Variants in BRD3 observed in about 807,000 individuals in gnomAD.
BRD3 encodes the protein bromodomain containing 3, also known as bromodomain-containing protein 3.
In BRD3, 17 loss-of-function variants were observed where a neutral mutation model predicts 66.8. The ratio of observed to expected loss-of-function variants is 0.25; its 90% CI spans 0.17 to 0.38. The LOEUF (loss-of-function observed/expected upper bound fraction) is 0.38. BRD3 is among the 10% of genes least tolerant of loss of function. The probability of loss-of-function intolerance (pLI) is 1.00; values close to 1 mark genes in which losing one functional copy is unlikely to be tolerated. For missense variants in BRD3, 713 were observed against 956.1 expected, an observed-to-expected ratio of 0.75 and a Z score of 3.35; for synonymous variants, 421 against 393.2, an observed-to-expected ratio of 1.07 and a Z score of -0.84.
Position 134,035,951 on chromosome 9 carries a change from G to C in BRD3, c.1936+81C>G. 8 of 1,514,438 alleles carry C rather than the reference G, an allele frequency of 5.3e-6. No homozygotes were observed. The Admixed American group carries it at 1.8e-4, about 33-fold the overall frequency. The allele number at this position is 1,514,438 out of a possible 1,614,324, so 93.8% of individuals were successfully genotyped here. On this transcript the variant is annotated intron_variant, in intron 10 of 11. Coordinates refer to ENST00000303407, the MANE Select transcript of BRD3 (RefSeq NM_007371.4). ...GCCCTGTGCCCAAGCTCGCCGCACA[G>C]GGTCCGTGAGGAGTGACAGGAGGGG...
intron 1 of BRD3, among the ~76,000 whole-genome samples, chr9:134,065,437 A>G (rs901643004): frequency 2.6e-4 from 4 of 15,204 alleles, no homozygotes; most frequent in African/African-American, 2.3e-3. Context: ...AGGAGAAGAG[A>G]AAAAAAAAAA....
intron 1 of BRD3, among the ~76,000 whole-genome samples, chr9:134,063,947 C>T (rs538756837): frequency 2.2e-4 from 33 of 152,310 alleles, no homozygotes; most frequent in Non-Finnish European, 3.8e-4. Flanking sequence ...GAACTCAGTA[C>T]CTTGGGGGCC....
rs71503378 is a variant in BRD3, at chr9:134,062,095, CG to C, written c.-114+5849del. ...CCTTCTATGGAGCCAGGGGAGAAGTCGGGGGTTGGGGGCCCCCTGTAGCCCT... is the reference window on the plus strand; with the variant it reads ...CCTTCTATGGAGCCAGGGGAGAAGTCGGGGTTGGGGGCCCCCTGTAGCCCT... On this transcript the variant is annotated intron_variant, in intron 1 of 11. Coordinates refer to ENST00000303407, the MANE Select transcript of BRD3 (RefSeq NM_007371.4). Among the ~76,000 whole-genome samples the C allele has an allele frequency of 5.9e-5, 9 of 152,282 alleles. No individual in the cohort carries two copies. The East Asian group carries it at 1.7e-3, about 29-fold the overall frequency.
intron 5 of BRD3, among the ~76,000 whole-genome samples, chr9:134,049,069 C>T (rs1435058169): frequency 1.3e-5 from 2 of 152,130 alleles, no homozygotes; most frequent in African/African-American, 2.4e-5. Context: ...GACTCCATCC[C>T]AGCAGCAGTG....
intron 1 of BRD3, among the ~76,000 whole-genome samples, chr9:134,059,731 C>A (rs964205100): frequency 6.6e-6 from 1 of 152,176 alleles, no homozygotes; most frequent in African/African-American, 2.4e-5. Context: ...CTCATTTCAC[C>A]ACTCAGCCCT....
At chr9:134,047,637 G>T (rs576796971) in intron 6 of BRD3, among the ~76,000 whole-genome samples, 2 of 152,326 alleles carry the variant, frequency 1.3e-5, no homozygotes, top group East Asian at 3.9e-4. Context: ...GGTGGGGCTT[G>T]GAGGCACTTA....
At position 134,048,379 on chromosome 9, in the gene BRD3, G is replaced by A; in HGVS notation, c.790C>T (p.Pro264Ser). 3.1e-6 allele frequency: 5 copies of A among 1,598,648 alleles called. No individual in the cohort carries two copies. The highest frequency in any genetic ancestry group is 4.2e-6 in the Non-Finnish European group (5 of 1,179,866). The change falls in exon 6 of 12, where the codon CCC (proline) becomes TCC (serine). Residue 264 changes from proline to serine, a missense_variant. Pro to Ser is a moderately conservative substitution (Grantham distance 74). Around this residue, in one of 5 missense-constraint regions of BRD3, gnomAD observed 418 missense variants for 609.3 expected, o/e 0.69. Transcript: ENST00000303407. ...TGCTTGGGGTCTGACAACGGCGGGG[G>A]CGACTCACTCCGGCTGGCAGTGATG... ...SAITASRSES[P>S]PPLSDPKQAK...
At chr9:134,052,563 A>C in intron 2 of BRD3, 120 bp from the exon 3 acceptor site, 1 of 1,149,490 alleles carries the variant, frequency 8.7e-7, no homozygotes, top group Admixed American at 2.2e-5. Context: ...GCCCAGAGGC[A>C]CTTTCTGGTC....
chr9:134,038,318 C>A (rs1172854300), intron 9 of BRD3, among the ~76,000 whole-genome samples: 1 of 152,108 alleles, frequency 6.6e-6, no homozygotes, highest in Non-Finnish European at 1.5e-5. Context: ...CCAAGCCCGG[C>A]CAATTTTTTC....
rs2132392858 is a variant in BRD3, at chr9:134,040,092, G to A, written c.1585C>T (p.Gln529Ter). The A allele has an allele frequency of 6.3e-7, 1 of 1,586,562 alleles. No homozygotes were observed. Among genetic ancestry groups the A allele is most frequent in the South Asian group, 1.1e-5 (1 of 87,412 alleles). Reference sequence around the variant, plus strand: ...GCAGGAGCCTTCTTCTGCTGAGCCTGCTTGGCAGGCGGAGCCACCTTGGCC... The same window carrying A: ...GCAGGAGCCTTCTTCTGCTGAGCCTACTTGGCAGGCGGAGCCACCTTGGCC... Reference protein sequence around the residue: ...KKAKVAPPAKQAQQKKAPAKK... With the variant: ...KKAKVAPPAK Residue 529 changes from glutamine to a stop codon, truncating the protein, a stop_gained, in exon 9 of 12, where the codon CAG becomes TAG. Coordinates refer to ENST00000303407, the MANE Select transcript of BRD3 (RefSeq NM_007371.4). LOFTEE classifies it high-confidence loss of function.
At chr9:134,053,659 G>A (rs1037009842) in intron 1 of BRD3, 69 bp from the exon 2 acceptor site, 15 of 1,386,498 alleles carry the variant, frequency 1.1e-5, no homozygotes, top group African/African-American at 7.3e-5. Flanking sequence ...TCCCAGCCTC[G>A]GCGGGCTCCT....
At position 134,061,151 on chromosome 9, in the gene BRD3, G is replaced by T. The variant is rs192424947; in HGVS notation, c.-114+6794C>A. Among the ~76,000 whole-genome samples the T allele has an allele frequency of 1.1e-4, 16 of 152,326 alleles. No homozygotes were observed. In the East Asian group the frequency reaches 3.1e-3, roughly 29 times the overall value. On this transcript the variant is annotated intron_variant, in intron 1 of 11. Transcript: ENST00000303407. ...CCAGAGGGGCAGGAGCAGGCATGTC[G>T]CCTGGGCAGCACAGCAGCCTAGCCT...
intron 1 of BRD3, among the ~76,000 whole-genome samples, chr9:134,061,676 G>A (rs1202507186): frequency 6.6e-6 from 1 of 152,206 alleles, no homozygotes; most frequent in East Asian, 1.9e-4. Flanking sequence ...TGCGTCAGTG[G>A]GGGTCAGATG....
In BRD3 at chr9:134,032,879, T is replaced by C. The variant is rs1222453808; in HGVS notation, c.*711A>G. On this transcript the variant is annotated 3_prime_UTR_variant, in exon 12 of 12. Transcript: ENST00000303407. ...TTAAATCTTTTCTTCTTTTTTTTTTTTTAAAGTTGAGGTAAAAGCTTCAGT... is the reference window on the plus strand; with the variant it reads ...TTAAATCTTTTCTTCTTTTTTTTTTCTTAAAGTTGAGGTAAAAGCTTCAGT... The C allele has an allele frequency of 3.1e-6, 1 of 326,250 alleles. No individual in the cohort carries two copies. Among genetic ancestry groups the C allele is most frequent in the African/African-American group, 2.1e-5 (1 of 46,988 alleles). 20.2% of individuals were successfully genotyped at this position (326,250 alleles called of 1,614,324 possible).
rs575221631 is a variant in BRD3 at position 134,059,238 on chromosome 9, G to A, written c.-113-5648C>T. ...GCGGAAGCTGCTCAGAGGGAAGAGG[G>A]TGCACCTCCCTTCTCCCCGGGCCCC... On this transcript the variant is annotated intron_variant, in intron 1 of 11. Transcript: ENST00000303407. Among the ~76,000 whole-genome samples the A allele has an allele frequency of 1.7e-4, 26 of 152,294 alleles. 2 individuals carry two copies. In the South Asian group the frequency reaches 5.4e-3, roughly 32 times the overall value.
chr9:134,047,708 G>A (rs1458883444), intron 6 of BRD3, among the ~76,000 whole-genome samples: 2 of 152,212 alleles, frequency 1.3e-5, no homozygotes, highest in Non-Finnish European at 2.9e-5. Context: ...TGAGGCGCCT[G>A]TATCCGGGGC....
At chr9:134,036,787 T>A (rs1489568917) in intron 9 of BRD3, among the ~76,000 whole-genome samples, 3 of 152,052 alleles carry the variant, frequency 2.0e-5, no homozygotes, top group Non-Finnish European at 4.4e-5. Context: ...GGCGGGTGGA[T>A]CACGAGGTCA....
Position 134,034,661 on chromosome 9 carries a change from C to A in BRD3, c.2065+40G>T, listed in dbSNP as rs376499654. 2.4e-5 allele frequency: 38 copies of A among 1,598,136 alleles called. No homozygotes were observed. The African/African-American group carries it at 2.5e-4, about 11-fold the overall frequency. On this transcript the variant is annotated intron_variant, in intron 11 of 11. Transcript: ENST00000303407. ...AAACCCCTACTGCTGACACCCCCCA[C>A]CCCCCTAAAGAGGGGTGGCACAGCG...
In BRD3 at chr9:134,036,233, G is replaced by T; in HGVS notation, c.1735C>A (p.Gln579Lys). Residue 579 changes from glutamine (Q) to lysine (K), a missense_variant, in exon 10 of 12, where the codon CAG becomes AAG. Gln to Lys is a moderately conservative substitution (Grantham distance 53). This residue lies in a region of BRD3 where 418 missense variants were observed against 609.3 expected (regional missense o/e 0.69). Transcript: ENST00000303407. ...AGCCGGTTGATGTCCAGGCTAAGCT[G>T]GCGCTTTTCATCGTAGCTCATGGGC... Reference protein sequence around the residue: ...GLPMSYDEKRQLSLDINRLPG... With the variant: ...GLPMSYDEKRKLSLDINRLPG... 6.2e-7 allele frequency: 1 copy of T among 1,614,190 alleles called. No individual in the cohort carries two copies. The highest frequency in any genetic ancestry group is 8.5e-7 in the Non-Finnish European group (1 of 1,180,030).
Sources: allele counts gnomAD v4.1 joint callset (sites outside exome capture counted in the v4.1 genomes callset), GRCh38; gene constraint gnomAD v4.1.1; regional missense constraint gnomAD v4.1.1; transcripts MANE v1.5; gene names NCBI Gene and HGNC (gene_info 2026-07-23, HGNC 2026-07-21).